Variants in TENM4 observed in about 807,000 individuals in gnomAD.
TENM4 encodes teneurin transmembrane protein 4, also known as teneurin-4.
In TENM4, 82 loss-of-function variants were observed where a neutral mutation model predicts 243.3. The observed-to-expected ratio is 0.34, with a 90% confidence interval of 0.28 to 0.40. The LOEUF (loss-of-function observed/expected upper bound fraction) is 0.40. Ranked by LOEUF, TENM4 falls within the 10% of genes least tolerant of loss-of-function variation. The pLI is 1.00. For missense variants in TENM4, 3,138 were observed against 3,673.3 expected, an observed-to-expected ratio of 0.85 and a Z score of 3.77; for synonymous variants, 1,412 against 1,456.3, an observed-to-expected ratio of 0.97 and a Z score of 0.69.
At chr11:78,874,824 A>G (rs1469928074) in intron 9 of TENM4, among the ~76,000 whole-genome samples, 1 of 152,162 alleles carries the variant, frequency 6.6e-6, no homozygotes, top group Non-Finnish European at 1.5e-5. Flanking sequence ...TGGAGGCCAC[A>G]CTACAATTAA....
intron 14 of TENM4, among the ~76,000 whole-genome samples, chr11:78,809,224 C>T (rs1376721720): frequency 6.6e-6 from 1 of 152,154 alleles, no homozygotes; most frequent in Non-Finnish European, 1.5e-5. Context: ...CAGCAGATGG[C>T]CCAGGCAGAG....
chr11:78,729,159 G>A (rs954566628), intron 22 of TENM4, among the ~76,000 whole-genome samples: 1 of 152,146 alleles, frequency 6.6e-6, no homozygotes, highest in African/African-American at 2.4e-5. Flanking sequence ...GGGCCCTTTG[G>A]TTCTGTAGCC....
chr11:79,222,964 A>G (rs564141478), intron 2 of TENM4, among the ~76,000 whole-genome samples: 2 of 152,240 alleles, frequency 1.3e-5, no homozygotes, highest in South Asian at 4.1e-4. Context: ...GGAGGGAAAC[A>G]ACATACATTG....
intron 18 of TENM4, among the ~76,000 whole-genome samples, chr11:78,761,002 T>C (rs1482871402): frequency 1.3e-5 from 2 of 152,234 alleles, no homozygotes; most frequent in Non-Finnish European, 2.9e-5. Flanking sequence ...TCTTGTTCTA[T>C]GGTTTTTATA....
chr11:79,314,452 C>T (rs553966478), intron 1 of TENM4, among the ~76,000 whole-genome samples: 2 of 152,226 alleles, frequency 1.3e-5, no homozygotes, highest in South Asian at 2.1e-4. Context: ...AAGTTGGGGC[C>T]GGGAAGCCTG....
chr11:79,103,756 G>A (rs1861292802), intron 4 of TENM4, among the ~76,000 whole-genome samples: 1 of 152,112 alleles, frequency 6.6e-6, no homozygotes, highest in African/African-American at 2.4e-5. Flanking sequence ...CTGGCCTCTT[G>A]GGAGATGCCC....
At chr11:78,988,822 G>A (rs964106528) in intron 6 of TENM4, among the ~76,000 whole-genome samples, 2 of 152,186 alleles carry the variant, frequency 1.3e-5, no homozygotes, top group African/African-American at 4.8e-5. Flanking sequence ...CTACAGGCAT[G>A]TGCCACCATA....
intron 17 of TENM4, among the ~76,000 whole-genome samples, chr11:78,778,319 ATG>A (rs1565374764): frequency 1.5e-5 from 1 of 67,504 alleles, no homozygotes. Flanking sequence ...AGGTGTATGT[ATG>A]TGGGGCGGGG....
chr11:79,248,089 C>A (rs1855550936), intron 2 of TENM4, among the ~76,000 whole-genome samples: 1 of 152,160 alleles, frequency 6.6e-6, no homozygotes, highest in Non-Finnish European at 1.5e-5. Flanking sequence ...TCATTGGGAG[C>A]TTTGTGGTGG....
chr11:79,293,662 G>A lies in TENM4; in HGVS notation c.-265+3826C>T, dbSNP rs189139639. On this transcript the variant is annotated intron_variant, in intron 2 of 33. Coordinates refer to ENST00000278550, the MANE Select transcript of TENM4 (RefSeq NM_001098816.3). The stretch of plus-strand genomic sequence containing the variant: ...ACTAAGGGGTGTTTGGAAAATGCAT[G>A]CGAGATGGCTATTGTTCCTCACCCC... 2.0e-4 allele frequency among the ~76,000 whole-genome samples: 31 copies of A among 152,272 alleles called. No individual in the cohort carries two copies. In the East Asian group the frequency reaches 6.0e-3, roughly 29 times the overall value.
intron 9 of TENM4, among the ~76,000 whole-genome samples, chr11:78,880,835 T>G (rs1423911059): frequency 6.6e-6 from 1 of 152,186 alleles, no homozygotes; most frequent in East Asian, 1.9e-4. Flanking sequence ...TTTACTATAT[T>G]TCTCAAAAAC....
Position 78,879,809 on chromosome 11 carries a change from C to A in TENM4, c.1084+9976G>T, listed in dbSNP as rs111261711. 1.3e-3 allele frequency among the ~76,000 whole-genome samples: 201 copies of A among 151,750 alleles called. 2 individuals carry two copies. The highest frequency in any genetic ancestry group is 4.3e-3 in the African/African-American group (179 of 41,386). On this transcript the variant is annotated intron_variant, in intron 9 of 33. Coordinates refer to ENST00000278550, the MANE Select transcript of TENM4 (RefSeq NM_001098816.3). Reference sequence around the variant, plus strand: ...TGTGAGGAGCGCCTCTGCCCGGACACCACCCCATCTGGGAGGTGAGGAGCA... The same window carrying A: ...TGTGAGGAGCGCCTCTGCCCGGACAACACCCCATCTGGGAGGTGAGGAGCA...
At chr11:79,356,967 T>C (rs1271291771) in intron 1 of TENM4, among the ~76,000 whole-genome samples, 2 of 152,180 alleles carry the variant, frequency 1.3e-5, no homozygotes, top group Non-Finnish European at 2.9e-5. Context: ...GACCTCAGTA[T>C]GCTGCTGGAG....
At chr11:79,171,181 C>T (rs1183226216) in intron 3 of TENM4, among the ~76,000 whole-genome samples, 2 of 152,136 alleles carry the variant, frequency 1.3e-5, no homozygotes, top group Non-Finnish European at 2.9e-5. Context: ...GTCAGAGTCC[C>T]ACAGCAGGAA....
chr11:79,223,977 C>A (rs934591149), intron 2 of TENM4, among the ~76,000 whole-genome samples: 2 of 152,208 alleles, frequency 1.3e-5, no homozygotes, highest in African/African-American at 4.8e-5. Flanking sequence ...AAGTGTACCA[C>A]TTTCAGGTGT....
Position 79,175,300 on chromosome 11 carries a change from T to A in TENM4, c.-162-26494A>T, listed in dbSNP as rs1193192957. Among the ~76,000 whole-genome samples, 3 of 152,180 alleles carry A rather than the reference T, an allele frequency of 2.0e-5. 1 individual carries two copies. The highest frequency in any genetic ancestry group is 4.4e-5 in the Non-Finnish European group (3 of 68,030). ...ATAAAATTTTTTCCACGGGTGATAGTAAAAACATTTAATGACTGGTATGGG... is the reference window on the plus strand; with the variant it reads ...ATAAAATTTTTTCCACGGGTGATAGAAAAAACATTTAATGACTGGTATGGG... On this transcript the variant is annotated intron_variant, in intron 3 of 33. Transcript: ENST00000278550.
intron 13 of TENM4, among the ~76,000 whole-genome samples, chr11:78,813,088 C>A (rs1857533074): frequency 6.6e-6 from 1 of 152,174 alleles, no homozygotes; most frequent in Non-Finnish European, 1.5e-5. Context: ...TTCCCCTGGT[C>A]CCCACCTGGC....
At chr11:79,377,479 T>C (rs1857914234) in intron 1 of TENM4, among the ~76,000 whole-genome samples, 1 of 152,190 alleles carries the variant, frequency 6.6e-6, no homozygotes. Context: ...GTCCCTTCTC[T>C]CTCTGGCCTT....
chr11:78,731,305 A>T (rs1165046436), intron 21 of TENM4, among the ~76,000 whole-genome samples: 1 of 152,236 alleles, frequency 6.6e-6, no homozygotes, highest in African/African-American at 2.4e-5. Context: ...GAGACAGGAG[A>T]CAGGCGCTGA....
Sources: gnomAD v4.1 joint callset for allele counts (sites outside exome capture counted in the v4.1 genomes callset) on GRCh38, gnomAD v4.1.1 for gene constraint, MANE v1.5 for transcripts, NCBI Gene and HGNC (gene_info 2026-07-23, HGNC 2026-07-21) for gene names.